The following KIF7 variants were observed in gnomAD, a reference collection of about 807,000 sequenced individuals.
KIF7 encodes the protein kinesin-like protein KIF7.
KIF7 carries 104 observed loss-of-function variants against 135.7 expected under a neutral mutation model. The observed-to-expected ratio is 0.77, with a 90% CI of 0.65 to 0.90. KIF7 has a LOEUF of 0.90. Ranked by LOEUF, KIF7 falls within the 40% of genes least tolerant of loss-of-function variation. The pLI, the probability that KIF7 is intolerant of heterozygous loss-of-function variation, is 0.00. For missense variants in KIF7, 2,005 were observed against 1,839.1 expected (o/e 1.09, Z -1.65); for synonymous variants, 883 against 809.4 (o/e 1.09, Z -1.54).
At chr15:89,642,461 C>A in intron 10 of KIF7, 56 bp from the exon 11 acceptor site, 2 of 1,482,480 alleles carry the variant, frequency 1.3e-6, no homozygotes, top group South Asian at 1.2e-5. Flanking sequence ...AGAGGGCCAG[C>A]TGTTTGTCCC....
upstream of KIF7, among the ~76,000 whole-genome samples, chr15:89,657,900 G>A (rs1025190268): frequency 6.6e-6 from 1 of 152,208 alleles, no homozygotes; most frequent in African/African-American, 2.4e-5. Context: ...AGTATGGGTG[G>A]ACTTGCCCAA....
intron 11 of KIF7, among the ~76,000 whole-genome samples, chr15:89,640,824 TAAAA>T (rs10716351): frequency 3.0e-5 from 4 of 134,584 alleles, no homozygotes; most frequent in Admixed American, 7.4e-5. Flanking sequence ...TGTCTCTACT[TAAAA>T]AAAAAAAAAA....
At chr15:89,629,615 C>A (rs760036753) in intron 16 of KIF7, 42 bp from the exon 17 acceptor site, 1 of 1,599,392 alleles carries the variant, frequency 6.3e-7, no homozygotes, top group Non-Finnish European at 8.5e-7. Flanking sequence ...ATCATGACCC[C>A]TCTTCATCCA....
At position 89,631,519 on chromosome 15, in the gene KIF7, C is replaced by G. The variant is rs547282977; in HGVS notation, c.3087G>C (p.Arg1029Ser). ...CCTCGGGGGACAGCAGACTCCCCTG[C>G]CTCAGCTTGCCGTCGATCTCCAGGC... Reference protein sequence around the residue: ...KQRLEIDGKLRQGSLLSPEEE... With the variant: ...KQRLEIDGKLSQGSLLSPEEE... The change falls in exon 15 of 19, where the codon AGG becomes AGC. Residue 1029 changes from arginine to serine, a missense_variant. Arg to Ser is a moderately radical substitution (Grantham distance 110). Transcript: ENST00000394412. 1.3e-6 allele frequency: 2 copies of G among 1,581,220 alleles called. No individual in the cohort carries two copies. Among genetic ancestry groups the G allele is most frequent in the Admixed American group, 1.8e-5 (1 of 56,770 alleles).
In KIF7 at chr15:89,652,882, G is replaced by C; in HGVS notation, c.49C>G (p.Arg17Gly). Reference protein sequence around the residue: ...RLPGAEEAPVRVALRVRPLLP... With the variant: ...RLPGAEEAPVGVALRVRPLLP... ...AGTGGTCGAACTCGCAGGGCAACCCGCACTGGGGCCTCCTCAGCCCCTGGC... is the reference window on the plus strand; with the variant it reads ...AGTGGTCGAACTCGCAGGGCAACCCCCACTGGGGCCTCCTCAGCCCCTGGC... Residue 17 changes from arginine (R) to glycine (G), a missense_variant, in exon 2 of 19, where the codon CGG becomes GGG. Coordinates refer to ENST00000394412, the MANE Select transcript of KIF7 (RefSeq NM_198525.3). 1.3e-6 allele frequency: 2 copies of C among 1,540,094 alleles called. No individual in the cohort carries two copies. The highest frequency in any genetic ancestry group is 1.8e-6 in the Non-Finnish European group (2 of 1,141,386).
intron 1 of KIF7, among the ~76,000 whole-genome samples, chr15:89,622,146 C>T (rs2141982348): frequency 6.6e-6 from 1 of 152,180 alleles, no homozygotes; most frequent in East Asian, 1.9e-4. Flanking sequence ...CCACAACGCC[C>T]AACTAATTTT....
upstream of KIF7, among the ~76,000 whole-genome samples, chr15:89,656,844 C>G (rs140616534): frequency 7.8e-3 from 1,190 of 152,266 alleles, 17 homozygotes; most frequent in African/African-American, 0.027. Flanking sequence ...TATTCTAAAT[C>G]AATTGGGGTC....
chr15:89,625,510 A>T, downstream of KIF7: 1 of 1,613,888 alleles, frequency 6.2e-7, no homozygotes, highest in Non-Finnish European at 8.5e-7. Context: ...CAGGACGCCC[A>T]TCTTGGAGGA....
At chr15:89,660,831 G>A in the KIF7 span, among the ~76,000 whole-genome samples, 1 of 152,170 alleles carries the variant, frequency 6.6e-6, no homozygotes, top group African/African-American at 2.4e-5. Flanking sequence ...GAGAGGACTT[G>A]TGGTGAGACT....
chr15:89,640,565 A>G lies in KIF7; in HGVS notation c.2394+1638T>C, dbSNP rs544829974. On this transcript the variant is annotated intron_variant, in intron 11 of 18. Coordinates refer to ENST00000394412, the MANE Select transcript of KIF7 (RefSeq NM_198525.3). The stretch of plus-strand genomic sequence containing the variant: ...GGCTCCAGAGCCCATGCTCTCAACC[A>G]CTCCACGATATTGTCTCTTGGACAT... Among the ~76,000 whole-genome samples, 3 of 151,456 alleles carry G rather than the reference A, an allele frequency of 2.0e-5. No individual in the cohort carries two copies. The East Asian group carries it at 5.8e-4, about 29-fold the overall frequency.
downstream of KIF7, chr15:89,625,345 C>T: frequency 6.2e-7 from 1 of 1,614,074 alleles, no homozygotes; most frequent in Non-Finnish European, 8.5e-7. Context: ...GAAGACAACT[C>T]CAGACATAAT....
intron 1 of KIF7, among the ~76,000 whole-genome samples, chr15:89,620,331 C>T (rs1963404105): frequency 6.6e-6 from 1 of 152,148 alleles, no homozygotes; most frequent in African/African-American, 2.4e-5. Context: ...ACCTTAGCCT[C>T]CCAGGGAGGT....
At position 89,654,456 on chromosome 15, in the gene KIF7, T is replaced by G. The variant is rs1433109864; in HGVS notation, c.-25+943A>C. ...GCTAGGTGTTACCCAAGCCTCCTCATCCCTCCCGGCTGAGGCTGCAGCCAC... is the reference window on the plus strand; with the variant it reads ...GCTAGGTGTTACCCAAGCCTCCTCAGCCCTCCCGGCTGAGGCTGCAGCCAC... On this transcript the variant is annotated intron_variant, in intron 1 of 18. Transcript: ENST00000394412. 3.3e-5 allele frequency among the ~76,000 whole-genome samples: 5 copies of G among 151,912 alleles called. No individual in the cohort carries two copies. In the South Asian group the frequency reaches 1.0e-3, roughly 32 times the overall value.
chr15:89,644,940 C>T (rs920230691), intron 10 of KIF7, 73 bp downstream of exon 10: 7 of 1,585,854 alleles, frequency 4.4e-6, no homozygotes, highest in Non-Finnish European at 6.0e-6. Flanking sequence ...GTTGAAATCC[C>T]TCTAGAACAG....
At chr15:89,623,739 A>C, downstream of KIF7, 1 of 1,614,140 alleles carries the variant, frequency 6.2e-7, no homozygotes, top group Non-Finnish European at 8.5e-7. Flanking sequence ...AGTCCCCTGC[A>C]AAAATGACCC....
chr15:89,657,678 T>C (rs923095884), upstream of KIF7, among the ~76,000 whole-genome samples: 1 of 152,240 alleles, frequency 6.6e-6, no homozygotes, highest in Non-Finnish European at 1.5e-5. Flanking sequence ...AAATGTATAC[T>C]GTAGGCCTGA....
chr15:89,639,397 CAG>C (rs1963874789), intron 11 of KIF7, among the ~76,000 whole-genome samples: 2 of 138,978 alleles, frequency 1.4e-5, no homozygotes, highest in Non-Finnish European at 3.1e-5. Flanking sequence ...ACTCATCTGA[CAG>C]AGGGCTAATA....
At chr15:89,629,630 ATCC>A in intron 16 of KIF7, 57 bp from the exon 17 acceptor site, 1 of 1,596,706 alleles carries the variant, frequency 6.3e-7, no homozygotes, top group South Asian at 1.1e-5. Context: ...CATCCAGCTA[ATCC>A]TCAATCACAG....
downstream of KIF7, chr15:89,623,473 A>G: frequency 1.2e-6 from 1 of 811,194 alleles, no homozygotes; most frequent in South Asian, 2.0e-5. Flanking sequence ...TGTTTTGGAG[A>G]GGGAAACGGG....
Sources: gnomAD v4.1 joint callset for allele counts (sites outside exome capture counted in the v4.1 genomes callset) on GRCh38, gnomAD v4.1.1 for gene constraint, MANE v1.5 for transcripts, NCBI Gene and HGNC (gene_info 2026-07-23, HGNC 2026-07-21) for gene names.